Variants in CACNA1D observed in about 807,000 individuals in gnomAD.
CACNA1D encodes calcium voltage-gated channel subunit alpha1 D.
A neutral mutation model predicts 257.1 loss-of-function variants in CACNA1D; 55 were observed. That is an observed-to-expected ratio of 0.21 (90% CI 0.17 to 0.27). The LOEUF is 0.27. Among genes scored for constraint, CACNA1D ranks in the 10% least tolerant of loss-of-function variants. CACNA1D has a pLI of 1.00. For missense variants in CACNA1D, 1,876 were observed against 2,784.0 expected (o/e 0.67, Z 7.34); for synonymous variants, 980 against 1,014.9 (o/e 0.97, Z 0.65).
intron 3 of CACNA1D, among the ~76,000 whole-genome samples, chr3:53,574,596 C>G (rs2093003441): frequency 6.6e-6 from 1 of 152,170 alleles, no homozygotes; most frequent in African/African-American, 2.4e-5. Flanking sequence ...TACGAGAAGT[C>G]CATCCTTGCG....
At chr3:53,641,466 C>T (rs148870383) in intron 3 of CACNA1D, among the ~76,000 whole-genome samples, 21 of 152,246 alleles carry the variant, frequency 1.4e-4, no homozygotes, top group African/African-American at 5.1e-4. Context: ...TGCTCAGGAT[C>T]ATGCCTGGTA....
intron 29 of CACNA1D, among the ~76,000 whole-genome samples, chr3:53,759,449 C>T (rs1032246696): frequency 9.2e-5 from 14 of 152,314 alleles, no homozygotes; most frequent in Middle Eastern, 3.4e-3. Context: ...GCGGCGCACA[C>T]GGTACAAATG....
In CACNA1D at chr3:53,702,827, C is replaced by T; in HGVS notation, c.1390+17C>T. ...AACGAAATAGTATGTAGCGCCTTTC[C>T]TGCCCCTGGCTAGACAGACCCAGTG... On this transcript the variant is annotated intron_variant, in intron 9 of 47. Coordinates refer to ENST00000350061, the MANE Select transcript of CACNA1D (RefSeq NM_001128840.3). 1 of 1,613,872 alleles carries T rather than the reference C, an allele frequency of 6.2e-7. No homozygotes were observed. Among genetic ancestry groups the T allele is most frequent in the Non-Finnish European group, 8.5e-7 (1 of 1,179,920 alleles).
intron 3 of CACNA1D, among the ~76,000 whole-genome samples, chr3:53,573,028 G>C (rs996567864): frequency 1.8e-4 from 27 of 152,228 alleles, no homozygotes; most frequent in African/African-American, 6.5e-4. Flanking sequence ...ATAAATATTT[G>C]TTGCCACAGA....
chr3:53,628,907 G>T (rs1169900906), intron 3 of CACNA1D, among the ~76,000 whole-genome samples: 1 of 152,234 alleles, frequency 6.6e-6, no homozygotes, highest in Admixed American at 6.5e-5. Flanking sequence ...AAGGAACAAG[G>T]CTAGGTAATC....
At chr3:53,687,137 T>C (rs1322731182) in intron 8 of CACNA1D, among the ~76,000 whole-genome samples, 7 of 151,998 alleles carry the variant, frequency 4.6e-5, no homozygotes, top group Non-Finnish European at 7.4e-5. Flanking sequence ...ATTACAATGA[T>C]CTAAATAAAT....
intron 29 of CACNA1D, among the ~76,000 whole-genome samples, chr3:53,755,419 C>T (rs570688002): frequency 1.4e-4 from 22 of 152,346 alleles, no homozygotes; most frequent in Admixed American, 1.1e-3. Flanking sequence ...CAGTAGTGCA[C>T]TGCCCAGTAG....
rs56125861 is a variant in CACNA1D at position 53,780,282 on chromosome 3, G to A, written c.4690+154G>A. Among the ~76,000 whole-genome samples, 882 of 152,346 alleles carry A rather than the reference G, an allele frequency of 5.8e-3. 12 individuals carry two copies. The highest frequency in any genetic ancestry group is 9.7e-3 in the Admixed American group (148 of 15,310). ...TGAAGATGTCCATGCTGGGCTTGCC[G>A]GCTGGCCCCTGCCTCCTGTTTCCTC... is the stretch of plus-strand genomic sequence containing the variant. On this transcript the variant is annotated intron_variant, in intron 38 of 47. Coordinates refer to ENST00000350061, the MANE Select transcript of CACNA1D (RefSeq NM_001128840.3).
At chr3:53,772,946 C>T (rs1219278727) in intron 33 of CACNA1D, 48 bp downstream of exon 33, 25 of 1,493,930 alleles carry the variant, frequency 1.7e-5, no homozygotes, top group Non-Finnish European at 2.2e-5. Context: ...CTGGGTAGCC[C>T]CAAATCTGTG....
rs1576575119 is a variant in CACNA1D, at chr3:53,756,805, C to G, written c.3786+3123C>G. ...GAGCACTTCTGTGGAGTAAGAAGAG[C>G]CTGGTCTGTCTGGGATTCTCTTTGT... On this transcript the variant is annotated intron_variant, in intron 29 of 47. Transcript: ENST00000350061. Among the ~76,000 whole-genome samples the G allele has an allele frequency of 2.0e-5, 3 of 152,312 alleles. No homozygotes were observed. In the South Asian group the frequency reaches 6.2e-4, roughly 32 times the overall value.
At chr3:53,637,292 T>G (rs913746445) in intron 3 of CACNA1D, among the ~76,000 whole-genome samples, 4 of 152,260 alleles carry the variant, frequency 2.6e-5, no homozygotes, top group African/African-American at 4.8e-5. Context: ...CACTGCAGTA[T>G]TCGTATTACA....
At chr3:53,582,537 C>A (rs1025259166) in intron 3 of CACNA1D, among the ~76,000 whole-genome samples, 1 of 151,940 alleles carries the variant, frequency 6.6e-6, no homozygotes, top group East Asian at 1.9e-4. Flanking sequence ...GGGATGTGAA[C>A]ATTTGGAGAT....
intron 3 of CACNA1D, among the ~76,000 whole-genome samples, chr3:53,509,445 G>A (rs2091013762): frequency 6.6e-6 from 1 of 152,182 alleles, no homozygotes; most frequent in Non-Finnish European, 1.5e-5. Flanking sequence ...CTGGGCTGGA[G>A]AAAATGACTT....
chr3:53,648,829 A>AACAC (rs148968944), intron 3 of CACNA1D, among the ~76,000 whole-genome samples: 12,948 of 146,736 alleles, frequency 0.088, 857 homozygotes, highest in African/African-American at 0.2. Context: ...TAACTCTCAA[A>AACAC]ACACACACAC....
rs2095474260 is a variant in CACNA1D, at chr3:53,789,729, G to A, written c.4923+2777G>A. Among the ~76,000 whole-genome samples the A allele has an allele frequency of 6.6e-6, 1 of 152,232 alleles. No homozygotes were observed. The highest frequency in any genetic ancestry group is 2.1e-4 in the South Asian group (1 of 4,832). On this transcript the variant is annotated intron_variant, in intron 40 of 47. Coordinates refer to ENST00000350061, the MANE Select transcript of CACNA1D (RefSeq NM_001128840.3). The surrounding 1 kb of genome is among the most constrained non-coding windows in gnomAD (Gnocchi z 4.2). ...CAGAAGTGCGGACCTAGGCATGTGC[G>A]TGCTTGTGCTGCGTAGGGTGCAGTC...
intron 9 of CACNA1D, chr3:53,710,491 G>A (rs976144485): frequency 1.3e-5 from 6 of 456,610 alleles, no homozygotes; most frequent in African/African-American, 1.0e-4. Flanking sequence ...AAATTGCTGA[G>A]ACTGAGCTTT....
At chr3:53,725,449 G>C (rs1473756631) in intron 14 of CACNA1D, among the ~76,000 whole-genome samples, 1 of 152,222 alleles carries the variant, frequency 6.6e-6, no homozygotes, top group East Asian at 1.9e-4. Flanking sequence ...TGTGTTGGCT[G>C]TAGATCTGTG....
In CACNA1D at chr3:53,770,482, G is replaced by A; in HGVS notation, c.3974G>A (p.Arg1325Gln). The A allele has an allele frequency of 1.2e-6, 2 of 1,613,458 alleles. No individual in the cohort carries two copies. Among genetic ancestry groups the A allele is most frequent in the Non-Finnish European group, 1.7e-6 (2 of 1,179,384 alleles). Reference protein sequence around the residue: ...ITFFRLFRVMRLVKLLSRGEG... With the variant: ...ITFFRLFRVMQLVKLLSRGEG... ...TTTTTCCGTCTTTTCCGAGTGATGC[G>A]ATTGGTGAAGCTTCTCAGCAGGGGG... Residue 1325 changes from arginine to glutamine, a missense_variant, in exon 32 of 48, where the codon CGA (arginine) becomes CAA (glutamine). By Grantham distance (43) the Arg-to-Gln change is conservative. This residue lies in a region of CACNA1D where 204 missense variants were observed against 309.4 expected (regional missense o/e 0.66). Transcript: ENST00000350061.
chr3:53,599,069 G>GGAA (rs895736455), intron 3 of CACNA1D, among the ~76,000 whole-genome samples: 5 of 151,824 alleles, frequency 3.3e-5, no homozygotes, highest in Admixed American at 2.6e-4. Context: ...GTGAATAAAT[G>GGAA]GAATTTAAAA....
Sources: gnomAD v4.1 joint callset for allele counts (sites outside exome capture counted in the v4.1 genomes callset) on GRCh38, gnomAD v4.1.1 for gene constraint, gnomAD v4.1.1 regional missense constraint, Gnocchi (gnomAD v3.1) non-coding constraint, MANE v1.5 for transcripts, NCBI Gene and HGNC (gene_info 2026-07-23, HGNC 2026-07-21) for gene names.